The following TPTE2 variants were observed in gnomAD, a reference collection of about 807,000 sequenced individuals.
The protein encoded by TPTE2 is phosphatidylinositol 3,4,5-trisphosphate 3-phosphatase TPTE2.
Under a neutral mutation model 78.6 loss-of-function variants are expected in TPTE2, and 53 were observed. That is an observed-to-expected ratio of 0.67 (90% CI 0.54 to 0.85). TPTE2 has a LOEUF of 0.85. Among genes scored for constraint, TPTE2 ranks in the 40% least tolerant of loss-of-function variants. The pLI, the probability that TPTE2 is intolerant of heterozygous loss-of-function variation, is 0.00. For synonymous variants in TPTE2, 175 were observed against 206.2 expected (o/e 0.85, Z 1.30); for missense variants, 461 against 623.0 (o/e 0.74, Z 2.77).
intron 15 of TPTE2, among the ~76,000 whole-genome samples, chr13:19,434,244 G>A (rs1427188974): frequency 1.3e-5 from 2 of 152,172 alleles, no homozygotes; most frequent in African/African-American, 4.8e-5. Context: ...AAACACAAAG[G>A]GCTCTAAGAA....
chr13:19,507,940 C>G (rs1869180477), upstream of TPTE2, among the ~76,000 whole-genome samples: 2 of 152,186 alleles, frequency 1.3e-5, no homozygotes, highest in African/African-American at 2.4e-5. Flanking sequence ...ACGAATCATT[C>G]TTGCACTATT....
At chr13:19,515,381 T>C (rs1284664311) in intron 1 of TPTE2, among the ~76,000 whole-genome samples, 1 of 152,242 alleles carries the variant, frequency 6.6e-6, no homozygotes, top group East Asian at 1.9e-4. Context: ...TATCTTTTTA[T>C]GTCTTTAAGA....
At chr13:19,500,039 A>G (rs1881663193) in intron 1 of TPTE2, among the ~76,000 whole-genome samples, 1 of 150,204 alleles carries the variant, frequency 6.7e-6, no homozygotes, top group Non-Finnish European at 1.5e-5. Flanking sequence ...CAAATAAACT[A>G]GAAAATCTAG....
At chr13:19,499,462 G>A (rs1028244213) in intron 1 of TPTE2, among the ~76,000 whole-genome samples, 4 of 143,078 alleles carry the variant, frequency 2.8e-5, no homozygotes, top group African/African-American at 7.9e-5. Context: ...TCAGACCACA[G>A]TGCAATCAAA....
chr13:19,551,793 T>C, the TPTE2 span, among the ~76,000 whole-genome samples: 1 of 152,130 alleles, frequency 6.6e-6, no homozygotes, highest in Admixed American at 6.6e-5. Context: ...ATTACAATGA[T>C]ACCACAACAT....
chr13:19,459,641 C>T (rs1878762574), intron 10 of TPTE2, among the ~76,000 whole-genome samples: 1 of 152,120 alleles, frequency 6.6e-6, no homozygotes, highest in Non-Finnish European at 1.5e-5. Context: ...GCCAGGAGCT[C>T]CATTTCAGGG....
At chr13:19,513,195 A>C (rs1869570435) in intron 1 of TPTE2, among the ~76,000 whole-genome samples, 1 of 152,216 alleles carries the variant, frequency 6.6e-6, no homozygotes, top group Admixed American at 6.5e-5. Context: ...ATAAAGCTCT[A>C]TGTAAGGTTG....
chr13:19,531,650 G>A (rs1166431812), intron 1 of TPTE2, among the ~76,000 whole-genome samples: 1 of 149,822 alleles, frequency 6.7e-6, no homozygotes, highest in Non-Finnish European at 1.5e-5. Flanking sequence ...AAGTAAGCCA[G>A]GTGCAGTGGC....
At chr13:19,449,394 G>A (rs1379716459) in intron 13 of TPTE2, among the ~76,000 whole-genome samples, 1 of 152,120 alleles carries the variant, frequency 6.6e-6, no homozygotes, top group Non-Finnish European at 1.5e-5. Flanking sequence ...ACCTGCCTCA[G>A]CCTCCCAAAG....
At chr13:19,492,869 C>T in exon 3 of TPTE2, 1 of 1,613,918 alleles carries the variant, frequency 6.2e-7, no homozygotes, top group South Asian at 1.1e-5. Context: ...ATAGGTGACA[C>T]CAGGGCTGCT....
At chr13:19,503,013 C>T (rs565538361) in intron 1 of TPTE2, among the ~76,000 whole-genome samples, 1 of 152,240 alleles carries the variant, frequency 6.6e-6, no homozygotes, top group South Asian at 2.1e-4. Context: ...CTGTTAAAAG[C>T]TTCTCAGAAT....
chr13:19,476,449 C>T (rs931600627), intron 4 of TPTE2, among the ~76,000 whole-genome samples: 4 of 151,732 alleles, frequency 2.6e-5, no homozygotes. Flanking sequence ...TCAAATTCCA[C>T]CCCGAGAGCC....
chr13:19,444,710 T>C (rs901817134), intron 13 of TPTE2, among the ~76,000 whole-genome samples: 1 of 152,138 alleles, frequency 6.6e-6, no homozygotes, highest in African/African-American at 2.4e-5. Context: ...CAAATTTATA[T>C]GGAAATATAG....
At chr13:19,553,102 C>A in the TPTE2 span, among the ~76,000 whole-genome samples, 2 of 150,690 alleles carry the variant, frequency 1.3e-5, no homozygotes, top group South Asian at 4.2e-4. Flanking sequence ...CTGTTAACAA[C>A]CAAAGAAGTT....
chr13:19,516,377 T>C (rs1869793463), intron 1 of TPTE2, among the ~76,000 whole-genome samples: 1 of 152,168 alleles, frequency 6.6e-6, no homozygotes, highest in Non-Finnish European at 1.5e-5. Flanking sequence ...GAGGCCAAAA[T>C]CTTCTTAAAC....
the TPTE2 span, among the ~76,000 whole-genome samples, chr13:19,547,388 ATTAG>A: frequency 6.6e-6 from 1 of 152,230 alleles, no homozygotes; most frequent in Non-Finnish European, 1.5e-5. Context: ...AATATCCAGT[ATTAG>A]TTAGACTGTG....
At chr13:19,516,610 ATAAT>A (rs923771264) in intron 1 of TPTE2, among the ~76,000 whole-genome samples, 2 of 152,190 alleles carry the variant, frequency 1.3e-5, no homozygotes, top group South Asian at 2.1e-4. Context: ...CTTCACTGTA[ATAAT>A]TAACAATGTT....
intron 15 of TPTE2, among the ~76,000 whole-genome samples, chr13:19,432,831 A>G (rs1876770955): frequency 1.3e-5 from 2 of 151,956 alleles, no homozygotes; most frequent in South Asian, 2.1e-4. Context: ...TAGGCTGCTT[A>G]TGGTTGAGAG....
rs375276908 is a variant in TPTE2 at position 19,456,043 on chromosome 13, A to G, written c.742-4818T>C. On this transcript the variant is annotated intron_variant, in intron 10 of 19. Coordinates refer to ENST00000400230, the Ensembl canonical transcript of TPTE2. ...TTACCGTGAAAGTCCTAGATAATTC[A>G]ATAAAGAAAGAAAAAAGTATAAAAA... 1.6e-3 allele frequency among the ~76,000 whole-genome samples: 250 copies of G among 152,324 alleles called. 9 individuals carry two copies. The South Asian group carries it at 0.049, about 30-fold the overall frequency.
Sources: allele counts gnomAD v4.1 joint callset (sites outside exome capture counted in the v4.1 genomes callset), GRCh38; gene constraint gnomAD v4.1.1; transcripts MANE v1.5; gene names NCBI Gene and HGNC (gene_info 2026-07-23, HGNC 2026-07-21).